Variants in SFI1 observed in about 807,000 individuals in gnomAD.
SFI1 encodes protein SFI1 homolog.
SFI1 carries 195 observed loss-of-function variants against 207.5 expected under a neutral mutation model. That is an observed-to-expected ratio of 0.94 (90% confidence interval 0.84 to 1.06). The LOEUF (loss-of-function observed/expected upper bound fraction) is 1.06, where lower values mean the gene tolerates loss of function less well. Among genes scored for constraint, SFI1 ranks in the 50% least tolerant of loss-of-function variants. SFI1 has a pLI of 0.00. For synonymous variants in SFI1, 630 were observed against 598.9 expected, an observed-to-expected ratio of 1.05 and a Z score of -0.76; for missense variants, 1,634 against 1,588.0, an observed-to-expected ratio of 1.03 and a Z score of -0.49.
At chr22:31,509,016 G>T (rs980977438) in intron 2 of SFI1, among the ~76,000 whole-genome samples, 7 of 152,054 alleles carry the variant, frequency 4.6e-5, no homozygotes, top group African/African-American at 1.4e-4. Flanking sequence ...TTTGTCACAT[G>T]GTTTTTGTAC....
In SFI1 at chr22:31,608,012, G is replaced by T. The variant is rs920758420; in HGVS notation, c.2233G>T (p.Ala745Ser). The T allele has an allele frequency of 1.9e-6, 3 of 1,613,878 alleles. No individual in the cohort carries two copies. Among genetic ancestry groups the T allele is most frequent in the Non-Finnish European group, 2.5e-6 (3 of 1,179,842 alleles). Residue 745 changes from alanine (A) to serine (S), a missense_variant, in exon 22 of 33, where the codon GCC becomes TCC. Coordinates refer to ENST00000400288, the MANE Select transcript of SFI1 (RefSeq NM_001007467.3). ...RQQEDCAIWE[A>S]QKVLDRGCLR... ...GCAGGAGGACTGTGCCATCTGGGAG[G>T]CCCAGAAGGTGCTGGACAGGGGTAA...
chr22:31,564,874 C>T (rs1199314131), intron 8 of SFI1, among the ~76,000 whole-genome samples: 5 of 130,550 alleles, frequency 3.8e-5, no homozygotes, highest in Non-Finnish European at 7.8e-5. Flanking sequence ...AGTGCAGTAT[C>T]GCGATGTTGG....
At chr22:31,542,942 G>A (rs2059703503) in intron 4 of SFI1, among the ~76,000 whole-genome samples, 3 of 149,364 alleles carry the variant, frequency 2.0e-5, no homozygotes, top group Admixed American at 6.7e-5. Flanking sequence ...GATTACACGT[G>A]TGAGCCACTG....
At position 31,613,422 on chromosome 22, in the gene SFI1, C is replaced by G; in HGVS notation, c.2634C>G (p.Leu878=). ...RRKKARLQWA[L]QAYQGQLLQE... The stretch of plus-strand genomic sequence containing the variant: ...AGAAGGCGCGGCTGCAGTGGGCGCT[C>G]CAGGCCTACCAGGGGCAGCTCCTCC... Residue 878 remains leucine (L), a synonymous_variant, in exon 26 of 33, where the codon CTC becomes CTG. Transcript: ENST00000400288. 1.4e-5 allele frequency: 23 copies of G among 1,609,982 alleles called. No homozygotes were observed. Among genetic ancestry groups the G allele is most frequent in the Non-Finnish European group, 1.9e-5 (23 of 1,179,792 alleles).
At chr22:31,558,011 G>C (rs1299575620) in intron 7 of SFI1, among the ~76,000 whole-genome samples, 1 of 152,172 alleles carries the variant, frequency 6.6e-6, no homozygotes, top group East Asian at 1.9e-4. Context: ...ATTGAACAAA[G>C]TATGGATAAT....
chr22:31,616,087 G>A (rs2071384963), intron 29 of SFI1: 1 of 152,160 alleles, frequency 6.6e-6, no homozygotes, highest in Non-Finnish European at 1.5e-5. Context: ...GAGAGGGGAG[G>A]AGGCTCCAAG....
At chr22:31,515,697 A>G (rs2056391872) in intron 2 of SFI1, among the ~76,000 whole-genome samples, 1 of 142,822 alleles carries the variant, frequency 7.0e-6, no homozygotes, top group Non-Finnish European at 1.5e-5. Flanking sequence ...TGTGATTCCT[A>G]TTTTCATTTC....
At chr22:31,569,284 C>G (rs1197962138) in intron 8 of SFI1, among the ~76,000 whole-genome samples, 1 of 152,274 alleles carries the variant, frequency 6.6e-6, no homozygotes, top group South Asian at 2.1e-4. Context: ...ATCCACCAAA[C>G]AATCTTGGCA....
chr22:31,604,539 C>T (rs1257481147), intron 19 of SFI1, 135 bp downstream of exon 19: 4 of 772,292 alleles, frequency 5.2e-6, no homozygotes, highest in Non-Finnish European at 8.0e-6. Context: ...AGCAGGTGCC[C>T]CGGACAGCGG....
At chr22:31,591,911 C>A (rs2066023831) in intron 15 of SFI1, among the ~76,000 whole-genome samples, 1 of 19,826 alleles carries the variant, frequency 5.0e-5, no homozygotes, top group Admixed American at 3.4e-4. Context: ...GGGGCTGACC[C>A]CCCCCACCTC....
chr22:31,615,264 G>T lies in SFI1; in HGVS notation c.3285G>T (p.Ala1095=). 6.7e-7 allele frequency: 1 copy of T among 1,501,480 alleles called. No individual in the cohort carries two copies. 93.0% of individuals were successfully genotyped at this position (1,501,480 alleles called of 1,614,324 possible). Residue 1095 remains alanine, a synonymous_variant, in exon 29 of 33, where the codon GCG becomes GCT. Transcript: ENST00000400288. ...LPLSSFMPCG[A]AAPARVSAQR... ...TTTCCTCCTTCATGCCCTGCGGGGCGGCTGCACCAGCCAGGGTACGTCCTC... is the reference window on the plus strand; with the variant it reads ...TTTCCTCCTTCATGCCCTGCGGGGCTGCTGCACCAGCCAGGGTACGTCCTC...
At chr22:31,600,540 A>G (rs1399157743) in intron 15 of SFI1, among the ~76,000 whole-genome samples, 1 of 152,128 alleles carries the variant, frequency 6.6e-6, no homozygotes, top group Non-Finnish European at 1.5e-5. Flanking sequence ...TCATCTGAGG[A>G]CCTGGGACAA....
At chr22:31,505,553 T>C (rs1338796634) in intron 1 of SFI1, among the ~76,000 whole-genome samples, 1 of 151,858 alleles carries the variant, frequency 6.6e-6, no homozygotes, top group Non-Finnish European at 1.5e-5. Context: ...GCCAGGAGTT[T>C]GAGATTACAG....
chr22:31,604,340 AGCTGAT>A lies in SFI1; in HGVS notation c.1916_1921del (p.Leu639_Met640del). 6.3e-7 allele frequency: 1 copy of A among 1,580,230 alleles called. No individual in the cohort carries two copies. Among genetic ancestry groups the A allele is most frequent in the African/African-American group, 1.3e-5 (1 of 74,652 alleles). On this transcript the variant is annotated inframe_deletion, in exon 19 of 33. Coordinates refer to ENST00000400288, the MANE Select transcript of SFI1 (RefSeq NM_001007467.3). ...GCCCTGCGGGGAGCGGAGCGGCAGA[AGCTGAT>A]GCGAGCAGACCTGCACCACCAGCAC...
intron 2 of SFI1, among the ~76,000 whole-genome samples, chr22:31,524,904 C>G (rs1342180308): frequency 1.3e-5 from 2 of 152,060 alleles, no homozygotes; most frequent in Admixed American, 6.6e-5. Flanking sequence ...AAGCGATTCT[C>G]CTGCCTCAGC....
At chr22:31,520,484 C>T (rs2057089020) in intron 2 of SFI1, among the ~76,000 whole-genome samples, 2 of 152,118 alleles carry the variant, frequency 1.3e-5, no homozygotes, top group African/African-American at 4.8e-5. Flanking sequence ...ATATAATTCA[C>T]ATACTACACA....
rs202117749 is a variant in SFI1 at position 31,607,927 on chromosome 22, C to A, written c.2158-10C>A. 6.2e-7 allele frequency: 1 copy of A among 1,613,224 alleles called. No homozygotes were observed. The highest frequency in any genetic ancestry group is 1.3e-5 in the African/African-American group (1 of 75,024). On this transcript the variant is annotated splice_polypyrimidine_tract_variant and intron_variant, in intron 21 of 32. Coordinates refer to ENST00000400288, the MANE Select transcript of SFI1 (RefSeq NM_001007467.3). ...TAGTGACTCTTGCTGTGCTCCTTGC[C>A]TGCCCATAGGTCCTGGTCCAGTGGC...
At chr22:31,561,239 C>T (rs534061180) in intron 7 of SFI1, 51 bp from the exon 8 acceptor site, 2 of 1,552,132 alleles carry the variant, frequency 1.3e-6, no homozygotes, top group Admixed American at 1.7e-5. Context: ...TCCTCTCTTT[C>T]CTGAGTGGCT....
intron 8 of SFI1, among the ~76,000 whole-genome samples, chr22:31,569,635 C>T (rs1386200777): frequency 6.6e-6 from 1 of 152,012 alleles, no homozygotes; most frequent in Middle Eastern, 3.2e-3. Flanking sequence ...CAAAATGGAC[C>T]ACTCTGGCTG....
Sources: allele counts gnomAD v4.1 joint callset (sites outside exome capture counted in the v4.1 genomes callset), GRCh38; gene constraint gnomAD v4.1.1; transcripts MANE v1.5; gene names NCBI Gene and HGNC (gene_info 2026-07-23, HGNC 2026-07-21).